Variants in DTD1 observed in about 807,000 individuals in gnomAD.
DTD1 encodes D-tyrosyl-tRNA deacylase 1 homolog.
DTD1 carries 13 observed loss-of-function variants against 25.6 expected under a neutral mutation model. The observed-to-expected ratio is 0.51, with a 90% CI of 0.33 to 0.81. The LOEUF is 0.81. Among genes scored for constraint, DTD1 ranks in the 30% least tolerant of loss-of-function variants. DTD1 has a pLI of 0.02. For missense variants in DTD1, 193 were observed against 266.4 expected (o/e 0.72, Z 1.92); for synonymous variants, 110 against 103.6 (o/e 1.06, Z -0.37).
intron 3 of DTD1, among the ~76,000 whole-genome samples, chr20:18,614,353 A>G (rs1437560806): frequency 6.6e-6 from 1 of 152,206 alleles, no homozygotes; most frequent in Non-Finnish European, 1.5e-5. Flanking sequence ...TGCATTGTGT[A>G]AAAATGCACT....
chr20:18,601,809 C>A (rs1354192221), intron 3 of DTD1, among the ~76,000 whole-genome samples: 1 of 152,058 alleles, frequency 6.6e-6, no homozygotes, highest in Non-Finnish European at 1.5e-5. Context: ...GTAGATAAAA[C>A]CGCAAAGATG....
At chr20:18,631,706 T>G in intron 4 of DTD1, 4 of 985,446 alleles carry the variant, frequency 4.1e-6, no homozygotes, top group Non-Finnish European at 4.8e-6. Flanking sequence ...CAGGACGTCA[T>G]TCTCTCTGGG....
chr20:18,751,737 A>C (rs1175493258), intron 5 of DTD1, among the ~76,000 whole-genome samples: 12 of 152,008 alleles, frequency 7.9e-5, no homozygotes, highest in Admixed American at 7.9e-4. Flanking sequence ...CAAGTGATCC[A>C]CACACCTCAG....
chr20:18,612,701 C>T (rs2060692441), intron 3 of DTD1, among the ~76,000 whole-genome samples: 1 of 151,930 alleles, frequency 6.6e-6, no homozygotes, highest in Non-Finnish European at 1.5e-5. Flanking sequence ...CTCTGTCGCC[C>T]AGGCTGGAGT....
Position 18,757,271 on chromosome 20 carries a change from C to A in DTD1, c.*20-6089C>A, listed in dbSNP as rs142114677. ...AATTGAATACCCTTTATTTCCTTCT[C>A]TTGCCTGATTGCCCTGGCCAGAACT... On this transcript the variant is annotated intron_variant, in intron 5 of 5. Coordinates refer to ENST00000377452, the MANE Select transcript of DTD1 (RefSeq NM_080820.6). Among the ~76,000 whole-genome samples, 373 of 152,334 alleles carry A rather than the reference C, an allele frequency of 2.4e-3. 7 individuals carry two copies. Among genetic ancestry groups the A allele is most frequent in the Admixed American group, 0.02 (305 of 15,294 alleles).
At chr20:18,642,514 C>T (rs1404499502) in intron 4 of DTD1, among the ~76,000 whole-genome samples, 3 of 151,964 alleles carry the variant, frequency 2.0e-5, no homozygotes, top group Non-Finnish European at 4.4e-5. Flanking sequence ...AGCAATATTC[C>T]TACCTCTGCC....
At chr20:18,695,050 T>C (rs995894518) in intron 4 of DTD1, among the ~76,000 whole-genome samples, 3 of 152,116 alleles carry the variant, frequency 2.0e-5, no homozygotes, top group Admixed American at 6.5e-5. Context: ...ACACAGATAC[T>C]CAGCGCGTGT....
At chr20:18,649,021 C>CAAAAAAAAAAAAAAAAAAAAAAA (rs2060862261) in intron 4 of DTD1, among the ~76,000 whole-genome samples, 1 of 102,630 alleles carries the variant, frequency 9.7e-6, no homozygotes. Flanking sequence ...AAAAAAAAAG[C>CAAAAAAAAAAAAAAAAAAAAAAA]AAATTTAACT....
At chr20:18,762,611 C>T (rs1321629896) in intron 5 of DTD1, among the ~76,000 whole-genome samples, 1 of 152,086 alleles carries the variant, frequency 6.6e-6, no homozygotes, top group East Asian at 1.9e-4. Flanking sequence ...TTCATTTCAT[C>T]TATGTTGTCT....
chr20:18,714,330 T>G (rs1300152903), intron 4 of DTD1, among the ~76,000 whole-genome samples: 1 of 152,246 alleles, frequency 6.6e-6, no homozygotes, highest in Non-Finnish European at 1.5e-5. Flanking sequence ...GGGTACTGTT[T>G]CATCAGGCTT....
At position 18,681,010 on chromosome 20, in the gene DTD1, G is replaced by C. The variant is rs149652513; in HGVS notation, c.477+52777G>C. 4.0e-4 allele frequency among the ~76,000 whole-genome samples: 61 copies of C among 152,226 alleles called. 1 individual carries two copies. In the East Asian group the frequency reaches 0.01, roughly 26 times the overall value. On this transcript the variant is annotated intron_variant, in intron 4 of 5. Transcript: ENST00000377452. The stretch of plus-strand genomic sequence containing the variant: ...GTAATTTGGTTCAGAATAGTTTTTC[G>C]CCAGTCCTTTTCTATAAGTCAACAA...
chr20:18,610,591 A>G (rs1297852248), intron 3 of DTD1, among the ~76,000 whole-genome samples: 1 of 152,216 alleles, frequency 6.6e-6, no homozygotes, highest in African/African-American at 2.4e-5. Context: ...GGAAAAGCAA[A>G]TGTAAAATGA....
intron 3 of DTD1, among the ~76,000 whole-genome samples, chr20:18,597,917 C>T (rs1249825759): frequency 6.6e-6 from 1 of 152,052 alleles, no homozygotes; most frequent in Non-Finnish European, 1.5e-5. Context: ...TTTTATTTTG[C>T]CTTAATTCTT....
chr20:18,729,707 C>A (rs1264606147), intron 4 of DTD1, among the ~76,000 whole-genome samples: 1 of 152,200 alleles, frequency 6.6e-6, no homozygotes, highest in East Asian at 1.9e-4. Context: ...ATCTGTAATA[C>A]ACATGTGTCA....
chr20:18,739,019 T>A (rs2061267398), intron 4 of DTD1, among the ~76,000 whole-genome samples: 1 of 152,080 alleles, frequency 6.6e-6, no homozygotes, highest in African/African-American at 2.4e-5. Context: ...TAGGTGGAGC[T>A]TGTCCTCTGC....
chr20:18,632,358 A>C (rs565193619), intron 4 of DTD1: 62 of 985,426 alleles, frequency 6.3e-5, no homozygotes, highest in Non-Finnish European at 7.2e-5. Context: ...GACCCTGAAC[A>C]TTGCACTGCG....
chr20:18,606,464 A>G (rs1206476088), intron 3 of DTD1, among the ~76,000 whole-genome samples: 1 of 126,942 alleles, frequency 7.9e-6, no homozygotes, highest in African/African-American at 3.0e-5. Flanking sequence ...TGCTGCTATA[A>G]AGACACATGC....
intron 4 of DTD1, among the ~76,000 whole-genome samples, chr20:18,673,225 G>A (rs1413293353): frequency 6.6e-6 from 1 of 152,114 alleles, no homozygotes; most frequent in Non-Finnish European, 1.5e-5. Flanking sequence ...AAATTTTGAG[G>A]TTAATTAATG....
intron 4 of DTD1, among the ~76,000 whole-genome samples, chr20:18,704,512 G>A (rs1176011289): frequency 6.6e-6 from 1 of 152,198 alleles, no homozygotes; most frequent in East Asian, 1.9e-4. Flanking sequence ...ACCTCATCCT[G>A]TAAAATAAGC....
Sources: gnomAD v4.1 joint callset for allele counts (sites outside exome capture counted in the v4.1 genomes callset) on GRCh38, gnomAD v4.1.1 for gene constraint, MANE v1.5 for transcripts, NCBI Gene and HGNC (gene_info 2026-07-23, HGNC 2026-07-21) for gene names.